The following ASAP2 variants were observed in gnomAD, a reference collection of about 807,000 sequenced individuals.
ASAP2 encodes ArfGAP with SH3 domain, ankyrin repeat and PH domain 2, also known as arf-GAP with SH3 domain, ANK repeat and PH domain-containing protein 2.
ASAP2 carries 45 observed loss-of-function variants against 131.4 expected under a neutral mutation model. The observed-to-expected ratio is 0.34, with a 90% CI of 0.27 to 0.44. The LOEUF (loss-of-function observed/expected upper bound fraction) is 0.44. Among genes scored for constraint, ASAP2 ranks in the 20% least tolerant of loss-of-function variants. The pLI is 1.00. For synonymous variants in ASAP2, 510 were observed against 503.0 expected, an observed-to-expected ratio of 1.01 and a Z score of -0.19; for missense variants, 1,011 against 1,297.0, an observed-to-expected ratio of 0.78 and a Z score of 3.39.
intron 9 of ASAP2, among the ~76,000 whole-genome samples, chr2:9,336,689 A>G (rs1401718594): frequency 6.6e-6 from 1 of 152,220 alleles, no homozygotes; most frequent in Non-Finnish European, 1.5e-5. Context: ...CTCCTAGTCT[A>G]GAGAATGTAG....
intron 7 of ASAP2, among the ~76,000 whole-genome samples, chr2:9,329,570 G>T (rs1017270612): frequency 6.6e-6 from 1 of 152,218 alleles, no homozygotes; most frequent in Non-Finnish European, 1.5e-5. Context: ...AGATTACTCT[G>T]TGTGTTGTGG....
chr2:9,400,220 C>CCCCTCCTG lies in ASAP2; in HGVS notation c.2734+152_2734+159dup, dbSNP rs1676518751. The CCCCTCCTG allele has an allele frequency of 1.1e-5, 5 of 470,496 alleles. No homozygotes were observed. The African/African-American group carries it at 2.4e-4, about 22-fold the overall frequency. The allele number at this position is 470,496 out of a possible 1,614,324, so 29.1% of individuals were successfully genotyped here. On this transcript the variant is annotated intron_variant, in intron 25 of 27. Transcript: ENST00000281419. ...CCTGCCCCCTCCCCTCCTGCCCCCT[C>CCCCTCCTG]CCCTCCTGCCCCCTCCCCTCCTGCC...
chr2:9,267,046 T>G (rs143148546), intron 1 of ASAP2, among the ~76,000 whole-genome samples: 50 of 152,380 alleles, frequency 3.3e-4, no homozygotes, highest in African/African-American at 1.1e-3. Context: ...CTAATTTCTT[T>G]TCTTTAAAAG....
chr2:9,351,246 C>CTGTTTTCAAGAACTTACATAATTTGGG (rs1285344931), intron 12 of ASAP2, among the ~76,000 whole-genome samples: 1 of 152,218 alleles, frequency 6.6e-6, no homozygotes, highest in Non-Finnish European at 1.5e-5. Context: ...GAGGACAATT[C>CTGTTTTCAAGAACTTACATAATTTGGG]TGTTTTCAAG....
chr2:9,321,759 A>G (rs1670162603), intron 5 of ASAP2, among the ~76,000 whole-genome samples: 1 of 152,190 alleles, frequency 6.6e-6, no homozygotes, highest in Admixed American at 6.5e-5. Context: ...TGGAAGAAGG[A>G]TAACATCAAA....
Position 9,368,033 on chromosome 2 carries a change from C to G in ASAP2, c.1462-392C>G, listed in dbSNP as rs141609809. ...GCTTTCCTGGCTCAGTGCCGCTTCA[C>G]TCTACCAGAACTACCTCATAGCTGG... is the stretch of plus-strand genomic sequence containing the variant. On this transcript the variant is annotated intron_variant, in intron 15 of 27. Transcript: ENST00000281419. Among the ~76,000 whole-genome samples, 387 of 152,322 alleles carry G rather than the reference C, an allele frequency of 2.5e-3. 2 individuals carry two copies. Among genetic ancestry groups the G allele is most frequent in the African/African-American group, 9.0e-3 (375 of 41,564 alleles).
intron 1 of ASAP2, among the ~76,000 whole-genome samples, chr2:9,261,216 A>G (rs1665556886): frequency 6.6e-6 from 1 of 152,112 alleles, no homozygotes; most frequent in African/African-American, 2.4e-5. Context: ...TTTTCCCCAA[A>G]TGTTAGAGAA....
intron 1 of ASAP2, among the ~76,000 whole-genome samples, chr2:9,250,675 C>G (rs1298910267): frequency 6.6e-6 from 1 of 152,232 alleles, no homozygotes; most frequent in Non-Finnish European, 1.5e-5. Flanking sequence ...CAGAGAGGAA[C>G]AGGAGTAGGC....
At chr2:9,393,429 G>A in intron 23 of ASAP2, 53 bp from the exon 24 acceptor site, 1 of 1,499,688 alleles carries the variant, frequency 6.7e-7, no homozygotes, top group South Asian at 1.3e-5. Context: ...GAGGAGGCCT[G>A]AGTGGGAAGC....
chr2:9,232,763 G>A lies in ASAP2; in HGVS notation c.126+25533G>A, dbSNP rs1663261973. On this transcript the variant is annotated intron_variant, in intron 1 of 27. Transcript: ENST00000281419. This position sits in a 1 kb window ranked among gnomAD's most constrained non-coding sequence, Gnocchi z 4.1. ...TGAGACATGCTGTTGCCGGAGCTCTGGTGTCATTGGTTCATAGAAAGCTTG... is the reference window on the plus strand; with the variant it reads ...TGAGACATGCTGTTGCCGGAGCTCTAGTGTCATTGGTTCATAGAAAGCTTG... Among the ~76,000 whole-genome samples, 1 of 152,198 alleles carries A rather than the reference G, an allele frequency of 6.6e-6. No individual in the cohort carries two copies. The highest frequency in any genetic ancestry group is 1.5e-5 in the Non-Finnish European group (1 of 68,044).
In ASAP2 at chr2:9,317,429, C is replaced by T. The variant is rs559266881; in HGVS notation, c.346-1095C>T. Reference sequence around the variant, plus strand: ...ACACACATGCTCCCTCACACACCTACACATACTCACATTCTCACACACACA... The same window carrying T: ...ACACACATGCTCCCTCACACACCTATACATACTCACATTCTCACACACACA... On this transcript the variant is annotated intron_variant, in intron 3 of 27. Transcript: ENST00000281419. 1.3e-3 allele frequency among the ~76,000 whole-genome samples: 53 copies of T among 42,282 alleles called. 2 individuals are homozygous for T. Among genetic ancestry groups the T allele is most frequent in the Middle Eastern group, 0.018 (2 of 114 alleles). The allele number at this position is 42,282 out of a possible 152,430, so 27.7% of individuals were successfully genotyped here. A position where few individuals can be genotyped will look rare whatever the true frequency, so the allele number is the denominator to read the frequency against.
chr2:9,395,594 C>CT, intron 24 of ASAP2, among the ~76,000 whole-genome samples: 1,723 of 58,880 alleles, frequency 0.029, 508 homozygotes, highest in Non-Finnish European at 0.049. Flanking sequence ...TGTTTTTTTT[C>CT]TTTTTTTTTT....
intron 12 of ASAP2, among the ~76,000 whole-genome samples, chr2:9,355,814 G>A (rs542248635): frequency 6.6e-6 from 1 of 152,110 alleles, no homozygotes; most frequent in African/African-American, 2.4e-5. Flanking sequence ...TTTAGAAGCG[G>A]CGTCTTTTAA....
In ASAP2 at chr2:9,268,428, T is replaced by C. The variant is rs1469680656; in HGVS notation, c.127-10889T>C. Among the ~76,000 whole-genome samples, 3 of 152,182 alleles carry C rather than the reference T, an allele frequency of 2.0e-5. No individual in the cohort carries two copies. Among genetic ancestry groups the C allele is most frequent in the Non-Finnish European group, 4.4e-5 (3 of 68,038 alleles). ...GCTGTGACTTAGCTCAGACGTCTAT[T>C]TGATCTTAATTCTTAGCGACACCTG... On this transcript the variant is annotated intron_variant, in intron 1 of 27. Coordinates refer to ENST00000281419, the MANE Select transcript of ASAP2 (RefSeq NM_003887.3). This position sits in a 1 kb window ranked among gnomAD's most constrained non-coding sequence, Gnocchi z 4.1.
intron 1 of ASAP2, among the ~76,000 whole-genome samples, chr2:9,270,785 A>ATTTTTTTTTCTTTTTTTTTTTTTTTTT (rs1666301447): frequency 1.9e-5 from 1 of 52,924 alleles, no homozygotes; most frequent in Admixed American, 2.9e-4. Flanking sequence ...AATTGTTTTC[A>ATTTTTTTTTCTTTTTTTTTTTTTTTTT]TTTTTTTTTT....
At chr2:9,400,249 T>TGCCCCCTCCCCTCCTGCCCCC (rs1558405904) in intron 25 of ASAP2, among the ~76,000 whole-genome samples, 177 bp downstream of exon 25, 2 of 21,846 alleles carry the variant, frequency 9.2e-5, no homozygotes, top group South Asian at 1.2e-3. Context: ...TCCTGCCCCC[T>TGCCCCCTCCCCTCCTGCCCCC]TCCCCTCCTG....
At chr2:9,312,089 T>G (rs1210235761) in intron 3 of ASAP2, among the ~76,000 whole-genome samples, 2 of 152,208 alleles carry the variant, frequency 1.3e-5, no homozygotes, top group Admixed American at 6.5e-5. Context: ...TGATTTCCAG[T>G]AACTTTACCA....
At chr2:9,269,625 C>T (rs1430514089) in intron 1 of ASAP2, among the ~76,000 whole-genome samples, 3 of 152,216 alleles carry the variant, frequency 2.0e-5, no homozygotes, top group Non-Finnish European at 4.4e-5. Context: ...TGGCACCGCC[C>T]TCAGGCGGTA....
Position 9,274,317 on chromosome 2 carries a change from ATCTTTTTTTTTT to A in ASAP2, c.127-4998_127-4987del, listed in dbSNP as rs928503348. 1.4e-4 allele frequency among the ~76,000 whole-genome samples: 13 copies of A among 95,654 alleles called. No homozygotes were observed. The Admixed American group carries it at 2.0e-3, about 14-fold the overall frequency. The allele number at this position is 95,654 out of a possible 152,430, so 62.8% of individuals were successfully genotyped here. On this transcript the variant is annotated intron_variant, in intron 1 of 27. Transcript: ENST00000281419. ...GGCATAAGACTGTTTCTAGCATTCAATCTTTTTTTTTTTTTTTTTTTTTGAGACAGAGTCTCA... is the reference window on the plus strand; with the variant it reads ...GGCATAAGACTGTTTCTAGCATTCAATTTTTTTTTTTGAGACAGAGTCTCA...
Sources: gnomAD v4.1 joint callset for allele counts (sites outside exome capture counted in the v4.1 genomes callset) on GRCh38, gnomAD v4.1.1 for gene constraint, Gnocchi (gnomAD v3.1) non-coding constraint, MANE v1.5 for transcripts, NCBI Gene and HGNC (gene_info 2026-07-23, HGNC 2026-07-21) for gene names.